Variants in RFX3 observed in about 807,000 individuals in gnomAD.
RFX3 encodes the protein transcription factor RFX3.
Under a neutral mutation model 98.6 loss-of-function variants are expected in RFX3, and 14 were observed. That is an observed-to-expected ratio of 0.14 (90% CI 0.09 to 0.22). The LOEUF (loss-of-function observed/expected upper bound fraction) is 0.22, where lower values mean the gene tolerates loss of function less well. Among genes scored for constraint, RFX3 ranks in the 10% least tolerant of loss-of-function variants. The probability of loss-of-function intolerance (pLI) is 1.00; values close to 1 mark genes in which losing one functional copy is unlikely to be tolerated. For synonymous variants in RFX3, 383 were observed against 328.4 expected (o/e 1.17, Z -1.80); for missense variants, 639 against 926.9 (o/e 0.69, Z 4.03).
intron 2 of RFX3, among the ~76,000 whole-genome samples, chr9:3,374,685 C>G (rs755431172): frequency 2.3e-4 from 35 of 152,042 alleles, no homozygotes; most frequent in Non-Finnish European, 4.4e-4. Context: ...AAAATTACAA[C>G]AGCAGTTACC....
rs556295930 is a variant in RFX3, at chr9:3,221,909, T to C, written c.*3133A>G. 41 of 152,296 alleles carry C rather than the reference T, an allele frequency of 2.7e-4. No homozygotes were observed. The highest frequency in any genetic ancestry group is 2.5e-3 in the Admixed American group (38 of 15,282). The allele number at this position is 152,296 out of a possible 1,614,324, so 9.4% of individuals were successfully genotyped here. A position where few individuals can be genotyped will look rare whatever the true frequency, so the allele number is the denominator to read the frequency against. ...GGTTTATGTAGGTATATTTCATGAC[T>C]AGTGATTGGTTATAATTGCAAGAAA... is the stretch of plus-strand genomic sequence containing the variant. On this transcript the variant is annotated 3_prime_UTR_variant, in exon 17 of 17. Coordinates refer to ENST00000617270, the MANE Select transcript of RFX3 (RefSeq NM_001282116.2).
At chr9:3,346,837 C>A in intron 2 of RFX3, 73 bp from the exon 3 acceptor site, 1 of 896,148 alleles carries the variant, frequency 1.1e-6, no homozygotes, top group South Asian at 1.4e-5. Context: ...AGATCTATCT[C>A]AAAGGTTTAT....
intron 12 of RFX3, among the ~76,000 whole-genome samples, chr9:3,263,659 T>C (rs1823214129): frequency 6.6e-6 from 1 of 152,324 alleles, no homozygotes; most frequent in East Asian, 1.9e-4. Flanking sequence ...ATAACCTTTT[T>C]TCAGAATTAG....
intron 1 of RFX3, chr9:3,490,425 AATT>A (rs1171560520): frequency 6.9e-6 from 2 of 290,160 alleles, no homozygotes; most frequent in Non-Finnish European, 1.0e-5. Context: ...GACTATTTAA[AATT>A]ATTAAGTTTA....
chr9:3,301,939 C>A lies in RFX3; in HGVS notation c.475-319G>T, dbSNP rs148948484. On this transcript the variant is annotated intron_variant, in intron 4 of 16. Transcript: ENST00000617270. ...ATAAACATTCTTGACTTTCATAGTT[C>A]AGGATATGGGATAGTAACTATTCTC... Among the ~76,000 whole-genome samples the A allele has an allele frequency of 5.4e-3, 819 of 151,936 alleles. 1 individual carries two copies. Among genetic ancestry groups the A allele is most frequent in the Non-Finnish European group, 8.5e-3 (579 of 67,874 alleles).
At chr9:3,307,684 T>C (rs1432334081) in intron 4 of RFX3, among the ~76,000 whole-genome samples, 2 of 152,230 alleles carry the variant, frequency 1.3e-5, no homozygotes, top group East Asian at 1.9e-4. Context: ...TTGACATGAA[T>C]AGATTCTAAA....
At chr9:3,414,100 G>C (rs766811864) in intron 1 of RFX3, among the ~76,000 whole-genome samples, 1 of 152,030 alleles carries the variant, frequency 6.6e-6, no homozygotes, top group Non-Finnish European at 1.5e-5. Flanking sequence ...TGTTGGTTGA[G>C]TACTTTATTG....
intron 1 of RFX3, among the ~76,000 whole-genome samples, chr9:3,408,816 G>C (rs1842212077): frequency 6.6e-6 from 1 of 152,166 alleles, no homozygotes; most frequent in African/African-American, 2.4e-5. Flanking sequence ...AAATACAGTA[G>C]TAGTCTTCCA....
chr9:3,446,259 A>G (rs752507649), intron 1 of RFX3, among the ~76,000 whole-genome samples: 25 of 152,268 alleles, frequency 1.6e-4, no homozygotes, highest in Non-Finnish European at 3.5e-4. Flanking sequence ...TGCCATAACT[A>G]TAACATGTAA....
intron 2 of RFX3, among the ~76,000 whole-genome samples, chr9:3,386,111 G>T (rs573694874): frequency 2.8e-4 from 42 of 152,102 alleles, no homozygotes; most frequent in Non-Finnish European, 5.3e-4. Flanking sequence ...CCAATACAAG[G>T]AAGGAGGAAC....
intron 2 of RFX3, among the ~76,000 whole-genome samples, chr9:3,386,320 A>G (rs1006383998): frequency 1.3e-5 from 2 of 152,088 alleles, no homozygotes; most frequent in African/African-American, 4.8e-5. Context: ...ATAACAATGA[A>G]AATAATAATA....
At chr9:3,306,837 AG>A (rs1829380971) in intron 4 of RFX3, among the ~76,000 whole-genome samples, 1 of 152,062 alleles carries the variant, frequency 6.6e-6, no homozygotes, top group African/African-American at 2.4e-5. Flanking sequence ...AAAGCAAACA[AG>A]ATAAGATTGC....
chr9:3,416,628 T>C (rs922532647), intron 1 of RFX3, among the ~76,000 whole-genome samples: 16 of 152,302 alleles, frequency 1.1e-4, no homozygotes, highest in Middle Eastern at 3.4e-3. Context: ...CACTGGCTTT[T>C]CTTACCCTAT....
rs542424982 is a variant in RFX3, at chr9:3,339,203, C to A, written c.215+7464G>T. ...GTGGCCGTTGCTCATGATAACATTA[C>A]CAAAATTTCCAGTGCTATAATGGTT... On this transcript the variant is annotated intron_variant, in intron 3 of 16. Coordinates refer to ENST00000617270, the MANE Select transcript of RFX3 (RefSeq NM_001282116.2). Among the ~76,000 whole-genome samples, 6 of 151,662 alleles carry A rather than the reference C, an allele frequency of 4.0e-5. No individual in the cohort carries two copies. In the East Asian group the frequency reaches 1.2e-3, roughly 29 times the overall value.
At chr9:3,295,042 T>C (rs1827827358) in intron 5 of RFX3, among the ~76,000 whole-genome samples, 1 of 152,224 alleles carries the variant, frequency 6.6e-6, no homozygotes. Context: ...AAACAAGTTT[T>C]CCAGGGGCGC....
At chr9:3,506,929 G>A (rs1206746997) in intron 1 of RFX3, among the ~76,000 whole-genome samples, 1 of 151,810 alleles carries the variant, frequency 6.6e-6, no homozygotes, top group African/African-American at 2.4e-5. Flanking sequence ...TTGCTTGAAA[G>A]GTCATTGTAA....
intron 15 of RFX3, among the ~76,000 whole-genome samples, chr9:3,241,936 T>G (rs1162215469): frequency 6.6e-6 from 1 of 152,066 alleles, no homozygotes; most frequent in East Asian, 1.9e-4. Context: ...TGAAACAAAG[T>G]AATAAAAACT....
intron 3 of RFX3, among the ~76,000 whole-genome samples, chr9:3,340,372 G>C (rs893866493): frequency 6.6e-6 from 1 of 152,100 alleles, no homozygotes; most frequent in Non-Finnish European, 1.5e-5. Context: ...AACACCAAAA[G>C]CAATGGCAAC....
intron 6 of RFX3, among the ~76,000 whole-genome samples, chr9:3,290,290 T>C (rs1198687861): frequency 1.3e-5 from 2 of 151,474 alleles, no homozygotes; most frequent in Non-Finnish European, 2.9e-5. Context: ...AAAGCGGCAA[T>C]ATTGCAATAC....
Sources: gnomAD v4.1 joint callset for allele counts (sites outside exome capture counted in the v4.1 genomes callset) on GRCh38, gnomAD v4.1.1 for gene constraint, MANE v1.5 for transcripts, NCBI Gene and HGNC (gene_info 2026-07-23, HGNC 2026-07-21) for gene names.